The following DCC variants were observed in gnomAD, a reference collection of about 807,000 sequenced individuals.
DCC encodes the protein netrin receptor DCC.
DCC carries 58 observed loss-of-function variants against 172.5 expected under a neutral mutation model. That is an observed-to-expected ratio of 0.34 (90% CI 0.27 to 0.42). The LOEUF (loss-of-function observed/expected upper bound fraction) is 0.42, where lower values mean the gene tolerates loss of function less well. DCC is among the 10% of genes least tolerant of loss of function. The pLI is 1.00. For synonymous variants in DCC, 709 were observed against 644.5 expected (o/e 1.10, Z -1.52); for missense variants, 1,740 against 1,791.0 (o/e 0.97, Z 0.51).
At chr18:52,979,675 G>A (rs2145601787) in intron 5 of DCC, among the ~76,000 whole-genome samples, 1 of 152,314 alleles carries the variant, frequency 6.6e-6, no homozygotes, top group African/African-American at 2.4e-5. Flanking sequence ...TACCCATGAG[G>A]AGTCTGAGAT....
intron 23 of DCC, 130 bp downstream of exon 23, chr18:53,450,792 C>T (rs148542192): frequency 3.8e-5 from 30 of 790,048 alleles, no homozygotes; most frequent in African/African-American, 1.2e-4. Context: ...CAAAACCTTG[C>T]GTTTTGTCTA....
At chr18:53,283,451 C>T (rs186041497) in intron 12 of DCC, among the ~76,000 whole-genome samples, 79 of 152,034 alleles carry the variant, frequency 5.2e-4, no homozygotes, top group Non-Finnish European at 1.0e-3. Context: ...AGGAAGGACA[C>T]GTTTACTGAT....
At chr18:53,177,262 A>G (rs1368559633) in intron 8 of DCC, among the ~76,000 whole-genome samples, 2 of 152,124 alleles carry the variant, frequency 1.3e-5, no homozygotes, top group Non-Finnish European at 2.9e-5. Flanking sequence ...GTGCACCAGC[A>G]TGGCACATGT....
chr18:52,662,133 A>T (rs773476006), intron 1 of DCC, among the ~76,000 whole-genome samples: 2 of 152,204 alleles, frequency 1.3e-5, no homozygotes, highest in Admixed American at 1.3e-4. Flanking sequence ...GCTTGTTAAC[A>T]TTCAGATTGC....
At chr18:53,304,969 C>T (rs1271271030) in intron 12 of DCC, among the ~76,000 whole-genome samples, 1 of 152,120 alleles carries the variant, frequency 6.6e-6, no homozygotes, top group Non-Finnish European at 1.5e-5. Flanking sequence ...GCAGGTCTTT[C>T]CTGTGCTGTT....
At chr18:52,469,117 G>A (rs2144556512) in intron 1 of DCC, among the ~76,000 whole-genome samples, 1 of 152,120 alleles carries the variant, frequency 6.6e-6, no homozygotes, top group South Asian at 2.1e-4. Context: ...GAGTGCAGTG[G>A]CGCGATCTCA....
At chr18:52,649,372 CAAAAA>C (rs74178677) in intron 1 of DCC, among the ~76,000 whole-genome samples, 1 of 124,048 alleles carries the variant, frequency 8.1e-6, no homozygotes. Context: ...GATTCCGTAT[CAAAAA>C]AAAAAAAAAA....
chr18:52,843,059 G>A (rs545718974), intron 2 of DCC, among the ~76,000 whole-genome samples: 2 of 152,250 alleles, frequency 1.3e-5, no homozygotes, highest in East Asian at 3.9e-4. Flanking sequence ...GTAAGGTCAG[G>A]ATTTGAGTTA....
At chr18:53,498,059 A>G (rs908328323) in intron 26 of DCC, among the ~76,000 whole-genome samples, 1 of 152,232 alleles carries the variant, frequency 6.6e-6, no homozygotes, top group Admixed American at 6.5e-5. Context: ...AGGCTGCTCA[A>G]TGACCCAGAA....
intron 12 of DCC, among the ~76,000 whole-genome samples, chr18:53,284,582 C>G (rs1196835932): frequency 6.6e-6 from 1 of 152,042 alleles, no homozygotes; most frequent in African/African-American, 2.4e-5. Context: ...TGTAAATTGC[C>G]CAGTCTCAAG....
rs183296956 is a variant in DCC, at chr18:53,246,774, T to A, written c.1911+31177T>A. 8.5e-5 allele frequency among the ~76,000 whole-genome samples: 13 copies of A among 152,138 alleles called. No individual in the cohort carries two copies. The East Asian group carries it at 2.5e-3, about 29-fold the overall frequency. On this transcript the variant is annotated intron_variant, in intron 12 of 28. Transcript: ENST00000442544. ...TGGAGAGTAGAATTGCATGGTATGT[T>A]TTTAGTAGTAGAATAGCCGAATTAG...
intron 7 of DCC, among the ~76,000 whole-genome samples, chr18:53,127,640 AAGCTT>A (rs1426110651): frequency 2.0e-5 from 3 of 152,296 alleles, no homozygotes; most frequent in African/African-American, 7.2e-5. Flanking sequence ...GAACAAATAA[AAGCTT>A]AGCCACTAGA....
intron 13 of DCC, among the ~76,000 whole-genome samples, chr18:53,307,260 TATC>T (rs1253286296): frequency 6.6e-6 from 1 of 152,218 alleles, no homozygotes; most frequent in African/African-American, 2.4e-5. Flanking sequence ...ACATTTACCA[TATC>T]ATTTTAAAAG....
intron 7 of DCC, among the ~76,000 whole-genome samples, chr18:53,141,589 A>G (rs1433664963): frequency 6.6e-6 from 1 of 152,218 alleles, no homozygotes; most frequent in Non-Finnish European, 1.5e-5. Flanking sequence ...GGAGCGAACT[A>G]TGATGTGTAA....
intron 7 of DCC, among the ~76,000 whole-genome samples, chr18:53,134,929 C>A (rs1223308207): frequency 6.6e-6 from 1 of 152,108 alleles, no homozygotes; most frequent in Admixed American, 6.6e-5. Flanking sequence ...CTCATTCATA[C>A]CAATATTGTA....
chr18:52,584,442 C>G (rs898140460), intron 1 of DCC, among the ~76,000 whole-genome samples: 1 of 152,076 alleles, frequency 6.6e-6, no homozygotes, highest in African/African-American at 2.4e-5. Context: ...GACAGAGAGA[C>G]AGGACCAAGC....
chr18:53,102,387 CGT>C (rs1252796128), intron 7 of DCC, among the ~76,000 whole-genome samples: 3 of 151,876 alleles, frequency 2.0e-5, no homozygotes, highest in Non-Finnish European at 4.4e-5. Flanking sequence ...GTGATCATTC[CGT>C]GTGTTTTTAT....
Position 52,929,622 on chromosome 18 carries a change from G to A in DCC, c.985+4252G>A, listed in dbSNP as rs143305470. Among the ~76,000 whole-genome samples, 5 of 152,122 alleles carry A rather than the reference G, an allele frequency of 3.3e-5. No individual in the cohort carries two copies. The East Asian group carries it at 9.7e-4, about 29-fold the overall frequency. On this transcript the variant is annotated intron_variant, in intron 5 of 28. Coordinates refer to ENST00000442544, the MANE Select transcript of DCC (RefSeq NM_005215.4). ...AGGTGAAAAGTGTACTCAATATCGG[G>A]TATTGCTTATTTTTTTTACTGTAAC...
chr18:52,691,182 T>C (rs1236618379), intron 1 of DCC, among the ~76,000 whole-genome samples: 1 of 152,018 alleles, frequency 6.6e-6, no homozygotes, highest in Non-Finnish European at 1.5e-5. Context: ...TACCTGAGAG[T>C]TGGCTAGATA....
Sources: allele counts gnomAD v4.1 joint callset (sites outside exome capture counted in the v4.1 genomes callset), GRCh38; gene constraint gnomAD v4.1.1; transcripts MANE v1.5; gene names NCBI Gene and HGNC (gene_info 2026-07-23, HGNC 2026-07-21).